Variants in WHAMM observed in about 807,000 individuals in gnomAD.
WHAMM encodes the protein WASP homolog associated with actin, golgi membranes and microtubules.
Under a neutral mutation model 76.5 loss-of-function variants are expected in WHAMM, and 67 were observed. That is an observed-to-expected ratio of 0.88 (90% CI 0.72 to 1.07). The LOEUF (loss-of-function observed/expected upper bound fraction) is 1.07. WHAMM is among the 50% of genes least tolerant of loss of function. WHAMM has a pLI of 0.00. For synonymous variants in WHAMM, 419 were observed against 422.1 expected, an observed-to-expected ratio of 0.99 and a Z score of 0.09; for missense variants, 1,021 against 1,051.1, an observed-to-expected ratio of 0.97 and a Z score of 0.40.
intron 1 of WHAMM, among the ~76,000 whole-genome samples, chr15:82,812,175 G>A (rs1019737244): frequency 1.3e-4 from 20 of 152,312 alleles, no homozygotes; most frequent in African/African-American, 4.6e-4. Flanking sequence ...GGCATTAAGA[G>A]AATCAACATG....
Position 82,809,629 on chromosome 15 carries a change from T to C in WHAMM, c.-98T>C, listed in dbSNP as rs1009676549. The C allele has an allele frequency of 2.1e-5, 23 of 1,105,812 alleles. No homozygotes were observed. Among genetic ancestry groups the C allele is most frequent in the Admixed American group, 1.5e-4 (4 of 26,290 alleles). The allele number at this position is 1,105,812 out of a possible 1,614,324, so 68.5% of individuals were successfully genotyped here. ...TGGGGCACTGACGCGGTTTCGATTC[T>C]AGCGAAAAATGATTTGGCTCGGACT... On this transcript the variant is annotated 5_prime_UTR_variant, in exon 1 of 10. Coordinates refer to ENST00000286760, the MANE Select transcript of WHAMM (RefSeq NM_001080435.3).
chr15:82,810,945 C>T (rs1422038279), intron 1 of WHAMM, among the ~76,000 whole-genome samples: 1 of 152,098 alleles, frequency 6.6e-6, no homozygotes, highest in East Asian at 1.9e-4. Context: ...CTTACTGAAC[C>T]TAAGGGGAGG....
intron 2 of WHAMM, among the ~76,000 whole-genome samples, chr15:82,814,728 A>C (rs2050689337): frequency 1.3e-5 from 2 of 150,192 alleles, no homozygotes; most frequent in South Asian, 4.2e-4. Flanking sequence ...CTGGGATTGC[A>C]GACATGGGCC....
Position 82,831,349 on chromosome 15 carries a change from TGTTA to T in WHAMM, c.2122+271_2122+274del. 2.0e-5 allele frequency among the ~76,000 whole-genome samples: 3 copies of T among 152,366 alleles called. No individual in the cohort carries two copies. The South Asian group carries it at 6.2e-4, about 32-fold the overall frequency. On this transcript the variant is annotated intron_variant, in intron 9 of 9. Coordinates refer to ENST00000286760, the MANE Select transcript of WHAMM (RefSeq NM_001080435.3). ...TCGCATGACTTGGGGTTTCTGAGGT[TGTTA>T]AAGTATCAACCTATTTGAAGTTTCT...
chr15:82,810,439 G>A (rs2050608783), intron 1 of WHAMM, 104 bp downstream of exon 1: 1 of 1,220,406 alleles, frequency 8.2e-7, no homozygotes, highest in Non-Finnish European at 1.0e-6. Context: ...CTGACGGGGA[G>A]GAGCCGGCGG....
At chr15:82,813,452 C>T (rs937064219) in intron 2 of WHAMM, among the ~76,000 whole-genome samples, 176 bp downstream of exon 2, 1 of 151,952 alleles carries the variant, frequency 6.6e-6, no homozygotes, top group Non-Finnish European at 1.5e-5. Flanking sequence ...AGGCTGGTTT[C>T]GAACTCCTGA....
At chr15:82,821,788 T>C (rs1427263000) in intron 5 of WHAMM, among the ~76,000 whole-genome samples, 2 of 152,182 alleles carry the variant, frequency 1.3e-5, no homozygotes, top group Non-Finnish European at 2.9e-5. Context: ...AGAGATTACT[T>C]TGGGGAGAAT....
At position 82,833,509 on chromosome 15, in the gene WHAMM, G is replaced by A; in HGVS notation, c.2403G>A (p.Glu801=). The A allele has an allele frequency of 6.2e-7, 1 of 1,613,856 alleles. No individual in the cohort carries two copies. Among genetic ancestry groups the A allele is most frequent in the South Asian group, 1.1e-5 (1 of 91,072 alleles). The change falls in exon 10 of 10, where the codon GAG becomes GAA. Residue 801 remains glutamate (E), a synonymous_variant. Transcript: ENST00000286760. ...VSADSEEDSD[E]QDPGQWDG Reference sequence around the variant, plus strand: ...CTGACTCTGAGGAGGACAGTGATGAGCAGGACCCTGGCCAGTGGGATGGTT... The same window carrying A: ...CTGACTCTGAGGAGGACAGTGATGAACAGGACCCTGGCCAGTGGGATGGTT...
At chr15:82,811,994 T>C (rs1417753802) in intron 1 of WHAMM, among the ~76,000 whole-genome samples, 3 of 152,244 alleles carry the variant, frequency 2.0e-5, no homozygotes, top group African/African-American at 7.2e-5. Flanking sequence ...ATTTTATTTC[T>C]CTTCTTCTGG....
At chr15:82,832,416 A>T (rs1332220493) in intron 9 of WHAMM, among the ~76,000 whole-genome samples, 1 of 152,152 alleles carries the variant, frequency 6.6e-6, no homozygotes, top group Non-Finnish European at 1.5e-5. Flanking sequence ...AAGATCTCTA[A>T]ATTAGTGGCC....
At chr15:82,814,413 C>G (rs2050683701) in intron 2 of WHAMM, among the ~76,000 whole-genome samples, 1 of 152,140 alleles carries the variant, frequency 6.6e-6, no homozygotes, top group Non-Finnish European at 1.5e-5. Context: ...TTTTGAAAGT[C>G]TATTATTTGG....
intron 5 of WHAMM, 148 bp from the exon 6 acceptor site, chr15:82,822,952 T>C: frequency 1.8e-6 from 1 of 571,154 alleles, no homozygotes; most frequent in Non-Finnish European, 2.7e-6. Context: ...GCATGTATAT[T>C]ACATATACAC....
chr15:82,832,184 G>C (rs2051041458), intron 9 of WHAMM, among the ~76,000 whole-genome samples: 1 of 152,204 alleles, frequency 6.6e-6, no homozygotes, highest in African/African-American at 2.4e-5. Flanking sequence ...GGGAAGTTCT[G>C]TTCAACTCAC....
intron 2 of WHAMM, among the ~76,000 whole-genome samples, chr15:82,814,232 C>G (rs1398949382): frequency 6.6e-6 from 1 of 152,174 alleles, no homozygotes; most frequent in Non-Finnish European, 1.5e-5. Flanking sequence ...GTCTCAACAA[C>G]AGAAATCAGA....
chr15:82,820,856 C>G (rs1458030783), intron 5 of WHAMM, among the ~76,000 whole-genome samples: 1 of 147,738 alleles, frequency 6.8e-6, no homozygotes, highest in Admixed American at 6.8e-5. Flanking sequence ...GATGGTGCCA[C>G]TGCACTCCAG....
intron 6 of WHAMM, among the ~76,000 whole-genome samples, chr15:82,824,323 A>AAT (rs145305149): frequency 2.4e-3 from 354 of 147,834 alleles, no homozygotes; most frequent in South Asian, 7.3e-3. Flanking sequence ...ACACCCGGCT[A>AAT]ATATATATAT....
chr15:82,831,655 G>A (rs1017630029), intron 9 of WHAMM, among the ~76,000 whole-genome samples: 1 of 152,224 alleles, frequency 6.6e-6, no homozygotes, highest in Non-Finnish European at 1.5e-5. Context: ...GGCAAGTGCA[G>A]TACACTGAAT....
chr15:82,828,204 A>G (rs1257533248), intron 8 of WHAMM, among the ~76,000 whole-genome samples: 7 of 152,164 alleles, frequency 4.6e-5, no homozygotes, highest in Non-Finnish European at 8.8e-5. Flanking sequence ...TTTCATCACC[A>G]CTTTACAAAT....
intron 8 of WHAMM, among the ~76,000 whole-genome samples, chr15:82,828,018 C>T (rs1041517421): frequency 2.0e-5 from 3 of 152,122 alleles, no homozygotes; most frequent in Admixed American, 1.3e-4. Flanking sequence ...CATAGACCTG[C>T]TTTCATTCCC....
Sources: gnomAD v4.1 joint callset for allele counts (sites outside exome capture counted in the v4.1 genomes callset) on GRCh38, gnomAD v4.1.1 for gene constraint, MANE v1.5 for transcripts, NCBI Gene and HGNC (gene_info 2026-07-23, HGNC 2026-07-21) for gene names.